Variants in SUMF1 observed in about 807,000 individuals in gnomAD.
SUMF1 encodes formylglycine-generating enzyme.
Under a neutral mutation model 47.6 loss-of-function variants are expected in SUMF1, and 48 were observed. The ratio of observed to expected loss-of-function variants is 1.01; its 90% CI spans 0.80 to 1.28. SUMF1 has a LOEUF of 1.28. Ranked by LOEUF, SUMF1 falls within the 50% of genes most tolerant of loss-of-function variation. SUMF1 has a pLI of 0.00. For synonymous variants in SUMF1, 230 were observed against 192.1 expected (o/e 1.20, Z -1.63); for missense variants, 571 against 485.4 (o/e 1.18, Z -1.66).
intron 8 of SUMF1, among the ~76,000 whole-genome samples, chr3:4,169,578 G>C (rs1176212255): frequency 6.6e-6 from 1 of 152,122 alleles, no homozygotes; most frequent in Non-Finnish European, 1.5e-5. Context: ...CAGACTTCTA[G>C]CCTCCAGAAC....
chr3:4,441,911 C>A (rs1274835944), intron 3 of SUMF1, among the ~76,000 whole-genome samples: 1 of 152,140 alleles, frequency 6.6e-6, no homozygotes, highest in Non-Finnish European at 1.5e-5. Flanking sequence ...AGAGCAATAC[C>A]CAAAACCCAG....
At chr3:4,314,469 G>A (rs1434294771) in intron 8 of SUMF1, 1 of 152,144 alleles carries the variant, frequency 6.6e-6, no homozygotes, top group Non-Finnish European at 1.5e-5. Flanking sequence ...ACTATCACCT[G>A]CTAAAACCCT....
At chr3:4,218,931 G>A (rs569638679) in intron 8 of SUMF1, among the ~76,000 whole-genome samples, 9 of 152,096 alleles carry the variant, frequency 5.9e-5, no homozygotes, top group African/African-American at 9.7e-5. Context: ...AGCCAAATTC[G>A]TGCTCACAGA....
At chr3:4,383,927 T>A (rs1015396859) in intron 7 of SUMF1, among the ~76,000 whole-genome samples, 1 of 152,224 alleles carries the variant, frequency 6.6e-6, no homozygotes, top group Non-Finnish European at 1.5e-5. Flanking sequence ...CAAAGACATA[T>A]CAACAAACAA....
Position 4,249,422 on chromosome 3 carries a change from A to AT in SUMF1, c.1014+126907dup, listed in dbSNP as rs1356812223. On this transcript the variant is annotated intron_variant and NMD_transcript_variant, in intron 8 of 12. Coordinates refer to the SUMF1 transcript ENST00000448413. ...CATGTCTCTGTGTCACGTTTTGGTA[A>AT]TTCTCGCAATATTTCAAATTTTTAT... Among the ~76,000 whole-genome samples the AT allele has an allele frequency of 1.2e-4, 18 of 152,024 alleles. 1 individual carries two copies. Among genetic ancestry groups the AT allele is most frequent in the Non-Finnish European group, 2.5e-4 (17 of 67,950 alleles).
At chr3:4,266,371 G>A (rs1481464935) in intron 8 of SUMF1, among the ~76,000 whole-genome samples, 3 of 152,224 alleles carry the variant, frequency 2.0e-5, no homozygotes, top group South Asian at 4.2e-4. Context: ...AGCATGGAAT[G>A]TTCTTCCATT....
intron 8 of SUMF1, among the ~76,000 whole-genome samples, chr3:4,376,028 G>A (rs1042970050): frequency 6.6e-6 from 1 of 152,174 alleles, no homozygotes; most frequent in Non-Finnish European, 1.5e-5. Context: ...CTTACATGCT[G>A]GAAAAGTTAT....
intron 8 of SUMF1, among the ~76,000 whole-genome samples, chr3:4,158,051 G>T (rs192118241): frequency 6.6e-6 from 1 of 151,548 alleles, no homozygotes; most frequent in Non-Finnish European, 1.5e-5. Context: ...AGATAATTCA[G>T]TCCAATTGAG....
chr3:4,386,405 T>C (rs997573729), intron 7 of SUMF1, among the ~76,000 whole-genome samples: 2 of 152,164 alleles, frequency 1.3e-5, no homozygotes, highest in African/African-American at 4.8e-5. Flanking sequence ...TCAATGTCCA[T>C]GTGTTTGTTG....
chr3:4,453,162 G>A, intron 1 of SUMF1, 113 bp from the exon 2 acceptor site: 1 of 1,070,408 alleles, frequency 9.3e-7, no homozygotes, highest in African/African-American at 1.6e-5. Flanking sequence ...CTTCACCACA[G>A]TAATAACTGT....
At chr3:4,293,924 C>A (rs1478526948) in intron 8 of SUMF1, among the ~76,000 whole-genome samples, 1 of 152,174 alleles carries the variant, frequency 6.6e-6, no homozygotes, top group Admixed American at 6.5e-5. Context: ...GAAAAGTAGT[C>A]TCTGAATATG....
chr3:4,166,918 A>T (rs1404327455), intron 8 of SUMF1, among the ~76,000 whole-genome samples: 1 of 152,030 alleles, frequency 6.6e-6, no homozygotes, highest in Non-Finnish European at 1.5e-5. Context: ...AAAGGCTGAC[A>T]CCCATGTGTT....
rs187787536 is a variant in SUMF1 at position 4,451,354 on chromosome 3, T to C, written c.444+1522A>G. Among the ~76,000 whole-genome samples, 278 of 152,356 alleles carry C rather than the reference T, an allele frequency of 1.8e-3. 1 individual carries two copies. Among genetic ancestry groups the C allele is most frequent in the African/African-American group, 6.4e-3 (266 of 41,582 alleles). Reference sequence around the variant, plus strand: ...GAGGTACTGCTACTACTGCTGTGGTTTGCTGTTTGCATCATAATTGAAGAA... The same window carrying C: ...GAGGTACTGCTACTACTGCTGTGGTCTGCTGTTTGCATCATAATTGAAGAA... On this transcript the variant is annotated intron_variant, in intron 2 of 8. Transcript: ENST00000272902.
At chr3:4,406,697 C>A (rs1701387428) in intron 7 of SUMF1, among the ~76,000 whole-genome samples, 2 of 152,138 alleles carry the variant, frequency 1.3e-5, no homozygotes, top group Middle Eastern at 3.4e-3. Flanking sequence ...AAGGAGAGTT[C>A]TTTCTCTGAG....
chr3:4,245,017 G>A (rs959752383), intron 8 of SUMF1, among the ~76,000 whole-genome samples: 3 of 151,208 alleles, frequency 2.0e-5, no homozygotes, highest in Non-Finnish European at 2.9e-5. Flanking sequence ...CCTTTCTTCC[G>A]CTTGATGGTG....
chr3:4,426,565 A>G (rs1176502774), intron 3 of SUMF1, among the ~76,000 whole-genome samples: 1 of 152,234 alleles, frequency 6.6e-6, no homozygotes, highest in African/African-American at 2.4e-5. Context: ...TTAGGAACTT[A>G]ACAAAACAAA....
intron 7 of SUMF1, among the ~76,000 whole-genome samples, chr3:4,405,110 C>A (rs1255978177): frequency 2.0e-5 from 3 of 152,150 alleles, no homozygotes; most frequent in Non-Finnish European, 1.5e-5. Context: ...GGGGAACAAT[C>A]AAGTGTGGAG....
intron 3 of SUMF1, among the ~76,000 whole-genome samples, chr3:4,446,554 G>A (rs1005008081): frequency 1.1e-4 from 16 of 152,208 alleles, no homozygotes; most frequent in African/African-American, 3.4e-4. Flanking sequence ...TAATGGATTA[G>A]GTACTAAGCA....
In SUMF1 at chr3:4,453,033, G is replaced by A. The variant is rs557961594; in HGVS notation, c.287C>T (p.Ala96Val). 31 of 1,613,436 alleles carry A rather than the reference G, an allele frequency of 1.9e-5. No individual in the cohort carries two copies. The South Asian group carries it at 3.3e-4, about 17-fold the overall frequency. Residue 96 changes from alanine to valine, a missense_variant, in exon 2 of 9, where the codon GCT becomes GTT. Coordinates refer to ENST00000272902, the MANE Select transcript of SUMF1 (RefSeq NM_182760.4). ...LAHSKMVPIP[A>V]GVFTMGTDDP... The stretch of plus-strand genomic sequence containing the variant: ...ATCTGTGCCCATTGTAAATACTCCA[G>A]CAGGGATGGGGACCATCTACAATGA...
Sources: allele counts gnomAD v4.1 joint callset (sites outside exome capture counted in the v4.1 genomes callset), GRCh38; gene constraint gnomAD v4.1.1; transcripts MANE v1.5; gene names NCBI Gene and HGNC (gene_info 2026-07-23, HGNC 2026-07-21).